CDH10: variants seen among roughly 807,000 people sequenced by gnomAD.
CDH10 encodes cadherin 10.
In CDH10, 30 loss-of-function variants were observed where a neutral mutation model predicts 73.1. The ratio of observed to expected loss-of-function variants is 0.41; its 90% CI spans 0.31 to 0.56. CDH10 has a LOEUF of 0.56. Ranked by LOEUF, CDH10 falls within the 20% of genes least tolerant of loss-of-function variation. The pLI, the probability that CDH10 is intolerant of heterozygous loss-of-function variation, is 0.27. For missense variants in CDH10, 815 were observed against 973.7 expected (o/e 0.84, Z 2.17); for synonymous variants, 345 against 348.2 (o/e 0.99, Z 0.10).
intron 2 of CDH10, among the ~76,000 whole-genome samples, chr5:24,549,391 A>G (rs918674027): frequency 3.3e-5 from 5 of 152,150 alleles, no homozygotes; most frequent in African/African-American, 2.4e-5. Flanking sequence ...TGAGAAGAAA[A>G]TCACACCTAA....
chr5:24,538,453 T>G lies in CDH10; in HGVS notation c.232-779A>C, dbSNP rs187921859. Among the ~76,000 whole-genome samples, 48 of 152,222 alleles carry G rather than the reference T, an allele frequency of 3.2e-4. No homozygotes were observed. In the Middle Eastern group the frequency reaches 0.01, roughly 32 times the overall value. ...TCCTGAGCCTGTAACATAACCACACTGAAGCTTTGAGAATCACTTCATCAC... is the reference window on the plus strand; with the variant it reads ...TCCTGAGCCTGTAACATAACCACACGGAAGCTTTGAGAATCACTTCATCAC... On this transcript the variant is annotated intron_variant, in intron 2 of 11. Transcript: ENST00000264463.
At chr5:24,566,740 T>C (rs1745179286) in intron 2 of CDH10, among the ~76,000 whole-genome samples, 1 of 152,160 alleles carries the variant, frequency 6.6e-6, no homozygotes, top group Non-Finnish European at 1.5e-5. Context: ...TCTAAAACTA[T>C]GTATTTTCTA....
chr5:24,613,909 G>A (rs976046718), intron 1 of CDH10, among the ~76,000 whole-genome samples: 1 of 151,930 alleles, frequency 6.6e-6, no homozygotes, highest in African/African-American at 2.4e-5. Flanking sequence ...GTTGAATGAA[G>A]CATTCATTTA....
intron 8 of CDH10, chr5:24,499,326 T>A (rs1444507361): frequency 6.6e-6 from 1 of 152,642 alleles, no homozygotes; most frequent in Non-Finnish European, 1.5e-5. Flanking sequence ...AGAAATAGCA[T>A]ACTAATCATA....
In CDH10 at chr5:24,505,254, C is replaced by G. The variant is rs1180211713; in HGVS notation, c.1257-6G>C. The G allele has an allele frequency of 1.2e-6, 2 of 1,611,502 alleles. No homozygotes were observed. The highest frequency in any genetic ancestry group is 1.7e-6 in the Non-Finnish European group (2 of 1,178,412). On this transcript the variant is annotated splice_region_variant and splice_polypyrimidine_tract_variant and intron_variant, in intron 7 of 11. Coordinates refer to ENST00000264463, the MANE Select transcript of CDH10 (RefSeq NM_006727.5). ...TATGGCGATCCAAGGAAAATCTGAA[C>G]ATGGAGGGCAAGAAAAAATACATGG... is the stretch of plus-strand genomic sequence containing the variant.
intron 2 of CDH10, among the ~76,000 whole-genome samples, chr5:24,568,731 G>T (rs1745254721): frequency 6.6e-6 from 1 of 152,168 alleles, no homozygotes; most frequent in South Asian, 2.1e-4. Context: ...ATAGCCAAAA[G>T]GTGGGAACAA....
intron 1 of CDH10, among the ~76,000 whole-genome samples, chr5:24,642,555 C>T (rs536899870): frequency 6.6e-6 from 1 of 151,986 alleles, no homozygotes; most frequent in African/African-American, 2.4e-5. Flanking sequence ...AGTTTTGTAT[C>T]CTCTCTTTTT....
At chr5:24,614,547 A>G (rs1194173068) in intron 1 of CDH10, among the ~76,000 whole-genome samples, 1 of 152,226 alleles carries the variant, frequency 6.6e-6, no homozygotes, top group Non-Finnish European at 1.5e-5. Flanking sequence ...GCAGAAGCCA[A>G]TAAAATGGGT....
intron 5 of CDH10, among the ~76,000 whole-genome samples, chr5:24,528,612 T>C (rs1743619540): frequency 6.6e-6 from 1 of 151,990 alleles, no homozygotes; most frequent in Non-Finnish European, 1.5e-5. Flanking sequence ...AAGAGGTCAG[T>C]CGTGTTTGGT....
intron 2 of CDH10, among the ~76,000 whole-genome samples, chr5:24,544,796 G>T (rs910514311): frequency 5.9e-5 from 9 of 152,130 alleles, no homozygotes; most frequent in Non-Finnish European, 8.8e-5. Flanking sequence ...CTAGAAGGCA[G>T]GTCCTGCTAA....
intron 1 of CDH10, among the ~76,000 whole-genome samples, chr5:24,625,562 TTC>T (rs1326716603): frequency 5.8e-5 from 5 of 86,746 alleles, no homozygotes; most frequent in Non-Finnish European, 1.6e-4. Context: ...TATATATATA[TTC>T]ATATATATAC....
At chr5:24,489,272 CT>C (rs1741959745) in intron 11 of CDH10, among the ~76,000 whole-genome samples, 1 of 151,970 alleles carries the variant, frequency 6.6e-6, no homozygotes, top group Non-Finnish European at 1.5e-5. Flanking sequence ...GTTATGTTTT[CT>C]TTTTTATTAA....
chr5:24,634,066 C>A (rs1024433121), intron 1 of CDH10, among the ~76,000 whole-genome samples: 1 of 151,636 alleles, frequency 6.6e-6, no homozygotes, highest in Non-Finnish European at 1.5e-5. Context: ...CGTTGTGAAG[C>A]CTAATTTATA....
At chr5:24,632,335 ACCATTT>A (rs1747729083) in intron 1 of CDH10, among the ~76,000 whole-genome samples, 1 of 1,450 alleles carries the variant, frequency 6.9e-4, no homozygotes, top group South Asian at 0.12. Context: ...TCTTATATAC[ACCATTT>A]CAATTTCAAT....
At chr5:24,552,732 C>T (rs1331496178) in intron 2 of CDH10, among the ~76,000 whole-genome samples, 1 of 151,802 alleles carries the variant, frequency 6.6e-6, no homozygotes, top group East Asian at 1.9e-4. Flanking sequence ...TCCTTCTTTC[C>T]TCATAGCTAC....
At chr5:24,505,277 T>C (rs1363018948) in intron 7 of CDH10, 29 bp from the exon 8 acceptor site, 2 of 1,599,008 alleles carry the variant, frequency 1.3e-6, no homozygotes, top group Non-Finnish European at 1.7e-6. Flanking sequence ...AAAAAATACA[T>C]GGCAGCATTA....
At chr5:24,496,843 C>T (rs1396113070) in intron 9 of CDH10, among the ~76,000 whole-genome samples, 2 of 152,168 alleles carry the variant, frequency 1.3e-5, no homozygotes, top group Non-Finnish European at 2.9e-5. Flanking sequence ...AGAATCTCAT[C>T]CCTTAATATA....
At position 24,488,026 on chromosome 5, in the gene CDH10, C is replaced by G. The variant is rs146231810; in HGVS notation, c.2004G>C (p.Gln668His). Reference protein sequence around the residue: ...NDEGGGEEDTQAFDIGTLRNP... With the variant: ...NDEGGGEEDTHAFDIGTLRNP... ...TCCTCAGGGTGCCGATATCAAAGGCCTGGGTGTCCTCCTCTCCACCACCCT... is the reference window on the plus strand; with the variant it reads ...TCCTCAGGGTGCCGATATCAAAGGCGTGGGTGTCCTCCTCTCCACCACCCT... The change falls in exon 12 of 12, where the codon CAG becomes CAC. Residue 668 changes from glutamine (Q) to histidine (H), a missense_variant. Gln to His is a conservative substitution (Grantham distance 24). Around this residue, in one of 3 missense-constraint regions of CDH10, gnomAD observed 241 missense variants for 240.3 expected, o/e 1.00. Transcript: ENST00000264463. 5.0e-6 allele frequency: 8 copies of G among 1,613,952 alleles called. No individual in the cohort carries two copies. The highest frequency in any genetic ancestry group is 6.8e-6 in the Non-Finnish European group (8 of 1,179,960).
At chr5:24,550,503 TA>T (rs1744505867) in intron 2 of CDH10, among the ~76,000 whole-genome samples, 1 of 152,354 alleles carries the variant, frequency 6.6e-6, no homozygotes, top group South Asian at 2.1e-4. Context: ...TTATATCAGA[TA>T]TTTTTTACTT....
Sources: gnomAD v4.1 joint callset for allele counts (sites outside exome capture counted in the v4.1 genomes callset) on GRCh38, gnomAD v4.1.1 for gene constraint, gnomAD v4.1.1 regional missense constraint, MANE v1.5 for transcripts, NCBI Gene and HGNC (gene_info 2026-07-23, HGNC 2026-07-21) for gene names.